The following ALKBH5 variants were observed in gnomAD, a reference collection of about 807,000 sequenced individuals.
ALKBH5 encodes the protein alkB homolog 5, RNA demethylase, also known as RNA demethylase ALKBH5.
In ALKBH5, 2 loss-of-function variants were observed where a neutral mutation model predicts 32.1. The observed-to-expected ratio is 0.06, with a 90% confidence interval of 0.03 to 0.20. The LOEUF (loss-of-function observed/expected upper bound fraction) is 0.20, where lower values mean the gene tolerates loss of function less well. Among genes scored for constraint, ALKBH5 ranks in the 10% least tolerant of loss-of-function variants. The probability of loss-of-function intolerance (pLI) is 1.00; values close to 1 mark genes in which losing one functional copy is unlikely to be tolerated. For missense variants in ALKBH5, 352 were observed against 559.5 expected, an observed-to-expected ratio of 0.63 and a Z score of 3.74; for synonymous variants, 300 against 231.7, an observed-to-expected ratio of 1.29 and a Z score of -2.68.
At position 18,184,104 on chromosome 17, in the gene ALKBH5, C is replaced by A. The variant is rs1182227269; in HGVS notation, c.-140C>A. On this transcript the variant is annotated 5_prime_UTR_variant, in exon 1 of 4. Transcript: ENST00000399138. ...CCCACGCCCGGACCCTCGACGCCCC[C>A]CGCCGGGTCCCCCACTCACGCATGG... The A allele has an allele frequency of 1.3e-6, 1 of 797,114 alleles. No individual in the cohort carries two copies. Among genetic ancestry groups the A allele is most frequent in the Non-Finnish European group, 2.0e-6 (1 of 493,484 alleles). The allele number at this position is 797,114 out of a possible 1,614,324, so 49.4% of individuals were successfully genotyped here.
At chr17:18,205,682 G>A (rs2047265614) in intron 2 of ALKBH5, among the ~76,000 whole-genome samples, 1 of 152,176 alleles carries the variant, frequency 6.6e-6, no homozygotes, top group African/African-American at 2.4e-5. Flanking sequence ...AGTGGAATGT[G>A]GAGAGGCAGC....
intron 2 of ALKBH5, among the ~76,000 whole-genome samples, chr17:18,204,914 C>T (rs1239761998): frequency 6.6e-6 from 1 of 151,962 alleles, no homozygotes; most frequent in Non-Finnish European, 1.5e-5. Context: ...AACCATTAGC[C>T]GGGCATGGTG....
At chr17:18,196,476 C>T (rs1567675603) in intron 2 of ALKBH5, among the ~76,000 whole-genome samples, 1 of 152,322 alleles carries the variant, frequency 6.6e-6, no homozygotes, top group East Asian at 1.9e-4. Context: ...CTGCCTTGGC[C>T]TCCCAAAGTG....
chr17:18,206,673 C>A, intron 2 of ALKBH5, 142 bp from the exon 3 acceptor site: 1 of 875,486 alleles, frequency 1.1e-6, no homozygotes, highest in Non-Finnish European at 1.8e-6. Flanking sequence ...AGTTGAACCT[C>A]AAGGAGAGTG....
At chr17:18,207,119 G>A (rs1367233487) in intron 3 of ALKBH5, 149 bp downstream of exon 3, 2 of 1,110,348 alleles carry the variant, frequency 1.8e-6, no homozygotes. Context: ...TGGTGGCATT[G>A]GTGACATTCC....
chr17:18,201,798 T>TAGATA (rs773707766), intron 2 of ALKBH5, among the ~76,000 whole-genome samples: 9 of 52,914 alleles, frequency 1.7e-4, no homozygotes, highest in South Asian at 9.1e-4. Flanking sequence ...ATAGATAAGA[T>TAGATA]AGATAGATAG....
intron 2 of ALKBH5, among the ~76,000 whole-genome samples, chr17:18,204,055 A>G (rs1454214457): frequency 1.3e-5 from 2 of 152,208 alleles, no homozygotes; most frequent in Non-Finnish European, 2.9e-5. Context: ...TTCTTCAATG[A>G]GGCCCTTAGA....
At chr17:18,201,261 G>C (rs542142248) in intron 2 of ALKBH5, among the ~76,000 whole-genome samples, 7 of 152,324 alleles carry the variant, frequency 4.6e-5, no homozygotes, top group African/African-American at 1.4e-4. Flanking sequence ...CTGTGTCCAC[G>C]TGCATACACC....
At chr17:18,205,850 C>T (rs1380835552) in intron 2 of ALKBH5, among the ~76,000 whole-genome samples, 3 of 152,220 alleles carry the variant, frequency 2.0e-5, no homozygotes, top group African/African-American at 7.2e-5. Context: ...CCTACTCCTT[C>T]GGAACTAAGT....
rs372524211 is a variant in ALKBH5 at position 18,207,431 on chromosome 17, G to A, written c.1007+461G>A. On this transcript the variant is annotated intron_variant, in intron 3 of 3. Coordinates refer to ENST00000399138, the MANE Select transcript of ALKBH5 (RefSeq NM_017758.4). ...TAATCCCAGCACTTTGGGAGGCCAA[G>A]GCAGGCAGATCACGAGGTCAGGTGA... is the stretch of plus-strand genomic sequence containing the variant. Among the ~76,000 whole-genome samples, 52 of 152,312 alleles carry A rather than the reference G, an allele frequency of 3.4e-4. No individual in the cohort carries two copies. The East Asian group carries it at 6.0e-3, about 18-fold the overall frequency.
chr17:18,195,100 T>C, intron 2 of ALKBH5, 65 bp downstream of exon 2: 2 of 1,433,214 alleles, frequency 1.4e-6, no homozygotes, highest in South Asian at 2.4e-5. Flanking sequence ...TAGCTCTGGG[T>C]CCACTTAGAA....
chr17:18,185,587 A>T (rs1597835310), intron 1 of ALKBH5, among the ~76,000 whole-genome samples: 2 of 152,042 alleles, frequency 1.3e-5, no homozygotes, highest in Admixed American at 6.6e-5. Flanking sequence ...AGAGCAGCAC[A>T]CTCTTAAAAT....
At chr17:18,189,307 G>A (rs1045803850) in intron 1 of ALKBH5, among the ~76,000 whole-genome samples, 1 of 152,152 alleles carries the variant, frequency 6.6e-6, no homozygotes, top group Non-Finnish European at 1.5e-5. Flanking sequence ...GCACGAACCC[G>A]GGAGGCGGAG....
chr17:18,184,372 A>AGCCGCC lies in ALKBH5; in HGVS notation c.132_137dup (p.Ala47_Ala48dup), dbSNP rs1567672864. ...CAGCCGCCGTAGCCGCCGCAGCCGC[A>AGCCGCC]GCCGCCGCTGCCGCCGAACCTTACC... On this transcript the variant is annotated inframe_insertion, in exon 1 of 4. Transcript: ENST00000399138. 23 of 1,516,902 alleles carry AGCCGCC rather than the reference A, an allele frequency of 1.5e-5. No homozygotes were observed. Among genetic ancestry groups the AGCCGCC allele is most frequent in the African/African-American group, 1.4e-5 (1 of 69,894 alleles). 94.0% of individuals were successfully genotyped at this position (1,516,902 alleles called of 1,614,324 possible).
chr17:18,200,112 A>AT (rs11393364), intron 2 of ALKBH5, among the ~76,000 whole-genome samples: 31,297 of 135,130 alleles, frequency 0.23, 4,103 homozygotes, highest in South Asian at 0.43. Flanking sequence ...AAAAAAAAAA[A>AT]TTTTTTTTTT....
At chr17:18,191,061 CT>C (rs1426396953) in intron 1 of ALKBH5, among the ~76,000 whole-genome samples, 1 of 152,226 alleles carries the variant, frequency 6.6e-6, no homozygotes. Flanking sequence ...GGTCCTGGAA[CT>C]TTTCATGCCA....
At chr17:18,191,751 C>T (rs963073299) in intron 1 of ALKBH5, among the ~76,000 whole-genome samples, 7 of 152,134 alleles carry the variant, frequency 4.6e-5, no homozygotes, top group South Asian at 2.1e-4. Context: ...GGGTGGATCA[C>T]GTGTGATCAG....
rs1283527374 is a variant in ALKBH5 at position 18,184,359 on chromosome 17, C to T, written c.116C>T (p.Ala39Val). 2.0e-6 allele frequency: 3 copies of T among 1,516,170 alleles called. No homozygotes were observed. In the South Asian group the frequency reaches 3.7e-5, roughly 19 times the overall value. 93.9% of individuals were successfully genotyped at this position (1,516,170 alleles called of 1,614,324 possible). The change falls in exon 1 of 4, where the codon GCC becomes GTC. Residue 39 changes from alanine to valine, a missense_variant. Ala to Val is a moderately conservative substitution (Grantham distance 64). Around this residue, in one of 4 missense-constraint regions of ALKBH5, gnomAD observed 144 missense variants for 125.8 expected, o/e 1.14. Transcript: ENST00000399138. ...EAAAAAAAAV[A>V]AAAAAAAAAE... ...GCCGCCGCTGCCGCAGCCGCCGTAGCCGCCGCAGCCGCAGCCGCCGCTGCC... is the reference window on the plus strand; with the variant it reads ...GCCGCCGCTGCCGCAGCCGCCGTAGTCGCCGCAGCCGCAGCCGCCGCTGCC...
chr17:18,195,018 A>T lies in ALKBH5; in HGVS notation c.834A>T (p.Ala278=). The change falls in exon 2 of 4, where the codon GCA becomes GCT. Residue 278 remains alanine (A), a synonymous_variant. Transcript: ENST00000399138. ...IRPQDIKERR[A]VIILRKTRLD... is the part of the protein sequence containing the mutation. ...CTCAGGACATCAAGGAGCGCCGAGC[A>T]GTCATCATCCTCAGGAAGTAAGTGC... 1 of 1,613,646 alleles carries T rather than the reference A, an allele frequency of 6.2e-7. No homozygotes were observed. Among genetic ancestry groups the T allele is most frequent in the Non-Finnish European group, 8.5e-7 (1 of 1,179,934 alleles).
Sources: gnomAD v4.1 joint callset for allele counts (sites outside exome capture counted in the v4.1 genomes callset) on GRCh38, gnomAD v4.1.1 for gene constraint, gnomAD v4.1.1 regional missense constraint, MANE v1.5 for transcripts, NCBI Gene and HGNC (gene_info 2026-07-23, HGNC 2026-07-21) for gene names.